EYS: variants seen among roughly 807,000 people sequenced by gnomAD.
EYS encodes protein eyes shut homolog.
EYS carries 250 observed loss-of-function variants against 282.1 expected under a neutral mutation model. That is an observed-to-expected ratio of 0.89 (90% CI 0.80 to 0.98). The LOEUF (loss-of-function observed/expected upper bound fraction) is 0.98. EYS is among the 50% of genes least tolerant of loss of function. EYS has a pLI of 0.00. For missense variants in EYS, 4,016 were observed against 3,709.0 expected (o/e 1.08, Z -2.15); for synonymous variants, 1,355 against 1,282.9 (o/e 1.06, Z -1.20).
intron 26 of EYS, among the ~76,000 whole-genome samples, chr6:64,547,276 T>C (rs922462025): frequency 6.6e-6 from 1 of 152,152 alleles, no homozygotes; most frequent in Non-Finnish European, 1.5e-5. Context: ...TATTCTCTTA[T>C]CTGGCCCCAC....
At chr6:64,406,698 A>G (rs904424209) in intron 28 of EYS, among the ~76,000 whole-genome samples, 5 of 152,232 alleles carry the variant, frequency 3.3e-5, no homozygotes, top group African/African-American at 1.2e-4. Flanking sequence ...GCCAACTAAC[A>G]TGAAAAAATG....
intron 30 of EYS, among the ~76,000 whole-genome samples, chr6:64,275,023 T>C (rs1401205533): frequency 1.3e-5 from 2 of 152,184 alleles, no homozygotes; most frequent in Admixed American, 6.5e-5. Context: ...GAACATCCCA[T>C]AAAGCATGCA....
At chr6:63,803,629 C>T (rs1770832344) in intron 37 of EYS, among the ~76,000 whole-genome samples, 1 of 152,204 alleles carries the variant, frequency 6.6e-6, no homozygotes, top group Non-Finnish European at 1.5e-5. Flanking sequence ...AGAATGACCA[C>T]TCTTTAGGAA....
At chr6:65,470,427 AATTTAATATATT>A (rs1187157866) in intron 5 of EYS, among the ~76,000 whole-genome samples, 3 of 152,152 alleles carry the variant, frequency 2.0e-5, no homozygotes, top group African/African-American at 4.8e-5. Context: ...ATTCAATTTT[AATTTAATATATT>A]AGATTGGTTT....
chr6:65,627,621 C>A (rs9453349), intron 2 of EYS, among the ~76,000 whole-genome samples: 1 of 151,906 alleles, frequency 6.6e-6, no homozygotes, highest in Non-Finnish European at 1.5e-5. Context: ...GTGGTCTTGG[C>A]GGCCCCACAC....
At chr6:65,291,943 C>G (rs1480391866) in intron 12 of EYS, among the ~76,000 whole-genome samples, 1 of 151,424 alleles carries the variant, frequency 6.6e-6, no homozygotes, top group South Asian at 2.1e-4. Context: ...AAGCCCTGAG[C>G]AGATACAAAA....
chr6:64,494,610 G>A (rs982771144), intron 26 of EYS, among the ~76,000 whole-genome samples: 4 of 151,538 alleles, frequency 2.6e-5, no homozygotes, highest in African/African-American at 4.8e-5. Flanking sequence ...CACCTGTCTC[G>A]GACAATGGCT....
rs752557263 is a variant in EYS, at chr6:63,721,617, G to T, written c.8414C>A (p.Thr2805Lys). The change falls in exon 43 of 43, where the codon ACA becomes AAA. Residue 2805 changes from threonine (T) to lysine (K), a missense_variant. Thr to Lys is a moderately conservative substitution (Grantham distance 78, BLOSUM62 -1). Coordinates refer to ENST00000503581, the MANE Select transcript of EYS (RefSeq NM_001142800.2). ...GYLDLDGINV[T>K]EKASTKMSSL... ...ACTCATTTTAGTGGAGGCCTTTTCTGTTACATTTATCCCATCTAGATCCAG... is the reference window on the plus strand; with the variant it reads ...ACTCATTTTAGTGGAGGCCTTTTCTTTTACATTTATCCCATCTAGATCCAG... The T allele has an allele frequency of 1.9e-5, 30 of 1,551,076 alleles. No individual in the cohort carries two copies. Among genetic ancestry groups the T allele is most frequent in the Non-Finnish European group, 2.5e-5 (29 of 1,146,510 alleles).
chr6:63,917,157 C>A (rs533674549), intron 35 of EYS, among the ~76,000 whole-genome samples: 5 of 152,174 alleles, frequency 3.3e-5, no homozygotes, highest in Non-Finnish European at 1.5e-5. Flanking sequence ...TACACGTGCA[C>A]GCGCGTGCAT....
chr6:64,269,326 T>C (rs1767865003), intron 30 of EYS, among the ~76,000 whole-genome samples: 1 of 152,022 alleles, frequency 6.6e-6, no homozygotes, highest in Non-Finnish European at 1.5e-5. Context: ...GCGACTAACA[T>C]AGAATAATTT....
In EYS at chr6:64,912,743, T is replaced by C; in HGVS notation, c.2382A>G (p.Arg794=). ...CAGTCCATCCAGATGTACACTCACA[T>C]CTGAAATAAAATATTAAAATTTTTA... is the stretch of plus-strand genomic sequence containing the variant. The part of the protein sequence containing the change: ...STCTDLYKSY[R]CECTSGWTGQ... The change falls in exon 16 of 43, where the codon CGA becomes CGG. Residue 794 remains arginine, a splice_region_variant and synonymous_variant. Transcript: ENST00000503581. 1.5e-6 allele frequency: 2 copies of C among 1,339,060 alleles called. No homozygotes were observed. The highest frequency in any genetic ancestry group is 1.5e-5 in the African/African-American group (1 of 67,046). 82.9% of individuals were successfully genotyped at this position (1,339,060 alleles called of 1,614,324 possible).
chr6:65,172,654 A>C (rs1166295450), intron 12 of EYS, among the ~76,000 whole-genome samples: 1 of 151,546 alleles, frequency 6.6e-6, no homozygotes, highest in Non-Finnish European at 1.5e-5. Flanking sequence ...ACAGCTGAAC[A>C]GTTCATAAGG....
chr6:64,390,922 T>C (rs1049458501), intron 28 of EYS, among the ~76,000 whole-genome samples: 8 of 149,450 alleles, frequency 5.4e-5, no homozygotes, highest in African/African-American at 1.5e-4. Context: ...TACAGAGAAG[T>C]GCTTAAAGGA....
chr6:65,007,283 T>TA (rs1264076731), intron 13 of EYS, among the ~76,000 whole-genome samples: 1 of 152,160 alleles, frequency 6.6e-6, no homozygotes, highest in Non-Finnish European at 1.5e-5. Flanking sequence ...TATGTCCTTT[T>TA]ATCAGATGGG....
At chr6:63,806,777 A>G (rs988215316) in intron 36 of EYS, 5 of 153,758 alleles carry the variant, frequency 3.3e-5, no homozygotes, top group African/African-American at 1.2e-4. Context: ...CACACCTTTG[A>G]ACAAACTGTG....
chr6:64,860,703 C>T lies in EYS; in HGVS notation c.2992+25994G>A, dbSNP rs114877520. 3.8e-3 allele frequency among the ~76,000 whole-genome samples: 584 copies of T among 152,292 alleles called. 2 individuals are homozygous for T. Among genetic ancestry groups the T allele is most frequent in the African/African-American group, 0.013 (524 of 41,576 alleles). On this transcript the variant is annotated intron_variant, in intron 19 of 42. Coordinates refer to ENST00000503581, the MANE Select transcript of EYS (RefSeq NM_001142800.2). ...GGTGAGCAAGGGGTGTTTTTCAGCC[C>T]TGTTTGTGTTACAGCTCTTTCAGCT...
chr6:65,405,303 G>A lies in EYS; in HGVS notation c.927C>T (p.Cys309=). 1 of 1,612,534 alleles carries A rather than the reference G, an allele frequency of 6.2e-7. No individual in the cohort carries two copies. Among genetic ancestry groups the A allele is most frequent in the Non-Finnish European group, 8.5e-7 (1 of 1,179,358 alleles). ...AAGTATAAGCAGAACTGCTATTTGG[G>A]CAAATTCCTCTTTTCCAAAAAAGCA... ...VSLLFWKRGI[C]PNSSSAYTYE... The change falls in exon 6 of 43, where the codon TGC becomes TGT. Residue 309 remains cysteine (C), a synonymous_variant. Transcript: ENST00000503581.
chr6:64,704,435 T>C (rs530251719), intron 22 of EYS, among the ~76,000 whole-genome samples: 1 of 135,896 alleles, frequency 7.4e-6, no homozygotes, highest in African/African-American at 2.7e-5. Flanking sequence ...ATTTCTATAA[T>C]ATAATCTATA....
intron 13 of EYS, among the ~76,000 whole-genome samples, chr6:65,049,234 C>A (rs191134359): frequency 6.6e-6 from 1 of 151,714 alleles, no homozygotes; most frequent in East Asian, 1.9e-4. Flanking sequence ...CCTTGGGTGA[C>A]AGTTCTGGTT....
Sources: gnomAD v4.1 joint callset for allele counts (sites outside exome capture counted in the v4.1 genomes callset) on GRCh38, gnomAD v4.1.1 for gene constraint, MANE v1.5 for transcripts, NCBI Gene and HGNC (gene_info 2026-07-23, HGNC 2026-07-21) for gene names.